The following HBS1L variants were observed in gnomAD, a reference collection of about 807,000 sequenced individuals.
The protein encoded by HBS1L is HBS1 like translational GTPase.
A neutral mutation model predicts 88.9 loss-of-function variants in HBS1L; 55 were observed. The ratio of observed to expected loss-of-function variants is 0.62; its 90% CI spans 0.50 to 0.77. The LOEUF is 0.77. Ranked by LOEUF, HBS1L falls within the 30% of genes least tolerant of loss-of-function variation. The pLI, the probability that HBS1L is intolerant of heterozygous loss-of-function variation, is 0.00. For synonymous variants in HBS1L, 267 were observed against 288.5 expected (o/e 0.93, Z 0.76); for missense variants, 741 against 829.3 (o/e 0.89, Z 1.31).
intron 3 of HBS1L, 68 bp from the exon 4 acceptor site, chr6:135,039,835 A>G: frequency 7.4e-7 from 1 of 1,346,686 alleles, no homozygotes; most frequent in Non-Finnish European, 1.0e-6. Flanking sequence ...AATCTTCAAA[A>G]CTGATTTTAA....
chr6:134,982,716 A>C, intron 12 of HBS1L, 154 bp from the exon 13 acceptor site: 1 of 438,176 alleles, frequency 2.3e-6, no homozygotes. Context: ...TCTACTAAAT[A>C]TGGCATACCA....
At chr6:134,987,158 A>C (rs1775001379) in intron 9 of HBS1L, among the ~76,000 whole-genome samples, 1 of 152,098 alleles carries the variant, frequency 6.6e-6, no homozygotes, top group Admixed American at 6.6e-5. Flanking sequence ...CAGCCATAAA[A>C]ACAATACCCT....
rs376561919 is a variant in HBS1L at position 134,969,355 on chromosome 6, T to C, written c.1798-17A>G. 15 of 1,503,282 alleles carry C rather than the reference T, an allele frequency of 1.0e-5. 1 individual carries two copies. The Admixed American group carries it at 1.3e-4, about 13-fold the overall frequency. The allele number at this position is 1,503,282 out of a possible 1,614,324, so 93.1% of individuals were successfully genotyped here. ...TAACAGCACCTAAAACAAAAAATTATAACACTAAAAATCTGCTACCACAGT... is the reference window on the plus strand; with the variant it reads ...TAACAGCACCTAAAACAAAAAATTACAACACTAAAAATCTGCTACCACAGT... On this transcript the variant is annotated splice_polypyrimidine_tract_variant and intron_variant, in intron 15 of 17. Transcript: ENST00000367837.
intron 8 of HBS1L, among the ~76,000 whole-genome samples, chr6:134,990,065 CATA>C (rs907730090): frequency 7.2e-5 from 11 of 152,166 alleles, no homozygotes; most frequent in Admixed American, 3.9e-4. Flanking sequence ...ATTAGGTTTT[CATA>C]ATAACTGTAA....
intron 4 of HBS1L, among the ~76,000 whole-genome samples, chr6:135,009,456 G>A (rs937704902): frequency 3.9e-5 from 6 of 151,928 alleles, no homozygotes; most frequent in Admixed American, 2.6e-4. Flanking sequence ...TATGAGAAAA[G>A]GCATAAGCAG....
intron 13 of HBS1L, 47 bp from the exon 14 acceptor site, chr6:134,979,315 C>A: frequency 1.5e-6 from 2 of 1,346,060 alleles, no homozygotes; most frequent in South Asian, 2.4e-5. Context: ...ACCTCGATAT[C>A]AAACCATAAC....
In HBS1L at chr6:134,985,377, T is replaced by G. The variant is rs766867789; in HGVS notation, c.1456A>C (p.Lys486Gln). 5.6e-6 allele frequency: 9 copies of G among 1,606,484 alleles called. No homozygotes were observed. The South Asian group carries it at 7.8e-5, about 14-fold the overall frequency. ...TCGGACACACATAATCTAAAAGGTTTGTCAATAGATCGCTGGGGAGGCTTA... is the reference window on the plus strand; with the variant it reads ...TCGGACACACATAATCTAAAAGGTTGGTCAATAGATCGCTGGGGAGGCTTA... Reference protein sequence around the residue: ...SFKPPQRSIDKPFRLCVSDVF... With the variant: ...SFKPPQRSIDQPFRLCVSDVF... Residue 486 changes from lysine (K) to glutamine (Q), a missense_variant, in exon 12 of 18, where the codon AAA (lysine) becomes CAA (glutamine). Physicochemically the swap from Lys to Gln is moderately conservative, Grantham distance 53. Coordinates refer to ENST00000367837, the MANE Select transcript of HBS1L (RefSeq NM_006620.4).
At position 134,965,227 on chromosome 6, in the gene HBS1L, C is replaced by T; in HGVS notation, c.*52G>A. Reference sequence around the variant, plus strand: ...TGACTTAATAACTGCATTCTTGAAACAGAGGTTAGCTATTTCACTGTATCC... The same window carrying T: ...TGACTTAATAACTGCATTCTTGAAATAGAGGTTAGCTATTTCACTGTATCC... On this transcript the variant is annotated 3_prime_UTR_variant, in exon 18 of 18. Transcript: ENST00000367837. The T allele has an allele frequency of 7.0e-7, 1 of 1,437,102 alleles. No homozygotes were observed. Among genetic ancestry groups the T allele is most frequent in the Non-Finnish European group, 9.8e-7 (1 of 1,021,064 alleles). 89.0% of individuals were successfully genotyped at this position (1,437,102 alleles called of 1,614,324 possible). A position where few individuals can be genotyped will look rare whatever the true frequency, so the allele number is the denominator to read the frequency against.
chr6:135,003,681 C>T (rs1053504795), intron 4 of HBS1L, among the ~76,000 whole-genome samples: 1 of 151,592 alleles, frequency 6.6e-6, no homozygotes, highest in African/African-American at 2.4e-5. Context: ...GCCTGACCAA[C>T]ACAGTGAAAC....
intron 7 of HBS1L, 145 bp downstream of exon 7, chr6:134,996,632 A>C: frequency 5.5e-6 from 3 of 546,206 alleles, no homozygotes; most frequent in Non-Finnish European, 8.9e-6. Context: ...CAAAAAAGTC[A>C]AAATAGTTCC....
At chr6:134,966,855 T>C (rs1347240907) in intron 16 of HBS1L, among the ~76,000 whole-genome samples, 1 of 147,706 alleles carries the variant, frequency 6.8e-6, no homozygotes, top group Non-Finnish European at 1.5e-5. Context: ...CTTATTTCTA[T>C]AAAAAAGTAT....
rs1471760535 is a variant in HBS1L, at chr6:135,039,702, A to C, written c.301T>G (p.Leu101Val). ...VLGDAVPDEI[L>V]IEAVLKNKFD... ...TTGTTCTTCAGAACTGCTTCAATTA[A>C]TATTTCATCTGGCACAGCATCTCCA... is the stretch of plus-strand genomic sequence containing the variant. The change falls in exon 4 of 18, where the codon TTA (leucine) becomes GTA (valine). Residue 101 changes from leucine to valine, a missense_variant. This residue lies in a region of HBS1L where 556 missense variants were observed against 598.4 expected (regional missense o/e 0.93). Coordinates refer to ENST00000367837, the MANE Select transcript of HBS1L (RefSeq NM_006620.4). The C allele has an allele frequency of 1.2e-6, 2 of 1,613,936 alleles. No homozygotes were observed. Among genetic ancestry groups the C allele is most frequent in the Admixed American group, 1.7e-5 (1 of 60,008 alleles).
chr6:135,011,868 T>C (rs1467453741), intron 4 of HBS1L, among the ~76,000 whole-genome samples: 1 of 145,898 alleles, frequency 6.9e-6, no homozygotes, highest in African/African-American at 2.6e-5. Context: ...ATTGTGCCAT[T>C]GCACTCCAGC....
At chr6:134,993,336 T>A (rs190446875) in intron 8 of HBS1L, among the ~76,000 whole-genome samples, 1 of 152,224 alleles carries the variant, frequency 6.6e-6, no homozygotes, top group Non-Finnish European at 1.5e-5. Flanking sequence ...AGAAAGTAAA[T>A]AAACCACTGG....
intron 7 of HBS1L, among the ~76,000 whole-genome samples, chr6:134,995,131 A>G (rs1471525436): frequency 6.6e-6 from 1 of 152,110 alleles, no homozygotes; most frequent in Non-Finnish European, 1.5e-5. Context: ...ATGGTGAACT[A>G]AGACTTATTC....
rs543210210 is a variant in HBS1L, at chr6:134,962,424, A to G, written c.*2855T>C. 2.6e-5 allele frequency: 4 copies of G among 152,296 alleles called. No homozygotes were observed. In the East Asian group the frequency reaches 7.7e-4, roughly 29 times the overall value. 9.4% of individuals were successfully genotyped at this position (152,296 alleles called of 1,614,324 possible). A position where few individuals can be genotyped will look rare whatever the true frequency, so the allele number is the denominator to read the frequency against. On this transcript the variant is annotated 3_prime_UTR_variant, in exon 18 of 18. Transcript: ENST00000367837. ...CTGTGGGTTAATTTTATTCTTCCCT[A>G]TATTTTCTGTATTTTCCAAATTTTC...
intron 4 of HBS1L, among the ~76,000 whole-genome samples, chr6:135,032,732 A>G (rs1776423429): frequency 6.6e-6 from 1 of 152,130 alleles, no homozygotes; most frequent in Non-Finnish European, 1.5e-5. Context: ...TTTTACTTAC[A>G]AAAAATGAGC....
intron 4 of HBS1L, among the ~76,000 whole-genome samples, chr6:135,015,094 T>C (rs920933949): frequency 4.0e-5 from 6 of 151,824 alleles, no homozygotes; most frequent in Non-Finnish European, 8.8e-5. Flanking sequence ...TAGAAAACAG[T>C]TGGATAATCA....
At chr6:134,987,244 A>G (rs1775003998) in intron 9 of HBS1L, among the ~76,000 whole-genome samples, 1 of 152,134 alleles carries the variant, frequency 6.6e-6, no homozygotes, top group South Asian at 2.1e-4. Context: ...CAGATGATAA[A>G]ACAGATAACC....
Sources: allele counts gnomAD v4.1 joint callset (sites outside exome capture counted in the v4.1 genomes callset), GRCh38; gene constraint gnomAD v4.1.1; regional missense constraint gnomAD v4.1.1; transcripts MANE v1.5; gene names NCBI Gene and HGNC (gene_info 2026-07-23, HGNC 2026-07-21).